Variants in SERPINE3 observed in about 807,000 individuals in gnomAD.
SERPINE3 encodes the protein serpin E3.
A neutral mutation model predicts 41.7 loss-of-function variants in SERPINE3; 43 were observed. The observed-to-expected ratio is 1.03, with a 90% CI of 0.81 to 1.33. The LOEUF (loss-of-function observed/expected upper bound fraction) is 1.33, where lower values mean the gene tolerates loss of function less well. Ranked by LOEUF, SERPINE3 falls within the 40% of genes most tolerant of loss-of-function variation. The pLI is 0.00. For synonymous variants in SERPINE3, 200 were observed against 192.2 expected (o/e 1.04, Z -0.34); for missense variants, 440 against 491.7 (o/e 0.89, Z 0.99).
At chr13:51,346,989 A>T (rs1052436596) in intron 4 of SERPINE3, 36 bp from the exon 5 acceptor site, 5 of 1,500,562 alleles carry the variant, frequency 3.3e-6, no homozygotes, top group Non-Finnish European at 4.5e-6. Context: ...TTCAATGCAC[A>T]TTTAACCCAT....
intron 3 of SERPINE3, among the ~76,000 whole-genome samples, chr13:51,341,914 C>A (rs943579964): frequency 6.6e-6 from 1 of 152,168 alleles, no homozygotes; most frequent in East Asian, 1.9e-4. Flanking sequence ...ATGCTTTTGA[C>A]CAACCTGCTT....
At chr13:51,348,033 A>G (rs1168076012) in intron 5 of SERPINE3, among the ~76,000 whole-genome samples, 180 bp from the exon 6 acceptor site, 1 of 151,880 alleles carries the variant, frequency 6.6e-6, no homozygotes, top group Non-Finnish European at 1.5e-5. Context: ...TAGGTCTAGG[A>G]TTTTTATAAA....
chr13:51,358,033 A>T (rs1370716112), intron 7 of SERPINE3, among the ~76,000 whole-genome samples: 1 of 152,136 alleles, frequency 6.6e-6, no homozygotes, highest in African/African-American at 2.4e-5. Context: ...GAATTGCAAT[A>T]GAAAGAGGTG....
At chr13:51,350,817 A>G (rs1955396270) in intron 6 of SERPINE3, among the ~76,000 whole-genome samples, 1 of 151,936 alleles carries the variant, frequency 6.6e-6, no homozygotes, top group African/African-American at 2.4e-5. Flanking sequence ...CCTCCCAGCA[A>G]CCTCTGATCT....
At chr13:51,362,961 T>C (rs938263795) in intron 9 of SERPINE3, 4 of 152,012 alleles carry the variant, frequency 2.6e-5, no homozygotes, top group Admixed American at 6.6e-5. Context: ...CACATAACGA[T>C]TAGATGAAAA....
intron 6 of SERPINE3, among the ~76,000 whole-genome samples, chr13:51,348,861 A>T (rs1287738734): frequency 2.0e-5 from 1 of 50,792 alleles, no homozygotes; most frequent in Non-Finnish European, 3.3e-5. Flanking sequence ...AGTACAGATA[A>T]AATTCTGATC....
intron 6 of SERPINE3, among the ~76,000 whole-genome samples, chr13:51,352,472 T>G (rs572294524): frequency 6.6e-6 from 1 of 151,316 alleles, no homozygotes; most frequent in African/African-American, 2.4e-5. Flanking sequence ...CTCTGATAGG[T>G]TTTTTTTTGT....
intron 6 of SERPINE3, 126 bp downstream of exon 6, chr13:51,348,537 C>A: frequency 1.4e-6 from 1 of 712,194 alleles, no homozygotes; most frequent in Non-Finnish European, 2.3e-6. Context: ...TAATATGTAT[C>A]CCCAGAAGTT....
intron 5 of SERPINE3, among the ~76,000 whole-genome samples, chr13:51,347,526 C>T (rs1211073266): frequency 6.6e-6 from 1 of 152,162 alleles, no homozygotes; most frequent in South Asian, 2.1e-4. Flanking sequence ...AAACTGCCAC[C>T]CTGGCAGGCA....
intron 7 of SERPINE3, among the ~76,000 whole-genome samples, chr13:51,358,067 T>C (rs1955508283): frequency 6.6e-6 from 1 of 151,940 alleles, no homozygotes; most frequent in Non-Finnish European, 1.5e-5. Flanking sequence ...AGGAGACAAA[T>C]GGAGAAAGCA....
At chr13:51,347,961 C>CT (rs1566192527) in intron 5 of SERPINE3, among the ~76,000 whole-genome samples, 1 of 152,068 alleles carries the variant, frequency 6.6e-6, no homozygotes, top group African/African-American at 2.4e-5. Flanking sequence ...CATCGTCCCC[C>CT]CCCCCATACC....
chr13:51,355,119 A>C lies in SERPINE3; in HGVS notation c.976A>C (p.Lys326Gln). The change falls in exon 7 of 10, where the codon AAA (lysine) becomes CAA (glutamine). Residue 326 changes from lysine (K) to glutamine (Q), a missense_variant. Physicochemically the swap from Lys to Gln is moderately conservative, Grantham distance 53 (BLOSUM62 1). Coordinates refer to ENST00000681248, the MANE Select transcript of SERPINE3 (RefSeq NM_001386375.1). ...WGVTDLFDPL[K>Q]ANLKGISGQD... ...AGTCACCGATCTTTTTGATCCACTC[A>C]AAGCTAACTTGAAAGGAATTTCAGG... 6.5e-7 allele frequency: 1 copy of C among 1,539,904 alleles called. No homozygotes were observed. Among genetic ancestry groups the C allele is most frequent in the South Asian group, 1.2e-5 (1 of 83,810 alleles).
At position 51,362,275 on chromosome 13, in the gene SERPINE3, T is replaced by TAGAGTACACC. The variant is rs1268854980; in HGVS notation, c.1171+389_1171+398dup. 3.2e-5 allele frequency: 11 copies of TAGAGTACACC among 339,538 alleles called. No homozygotes were observed. In the East Asian group the frequency reaches 8.1e-4, roughly 25 times the overall value. The allele number at this position is 339,538 out of a possible 1,614,324, so 21.0% of individuals were successfully genotyped here. A position where few individuals can be genotyped will look rare whatever the true frequency, so the allele number is the denominator to read the frequency against. On this transcript the variant is annotated intron_variant, in intron 9 of 9. Transcript: ENST00000681248. Reference sequence around the variant, plus strand: ...TCATTTTAGAGTTTTTTCAGGTCACTAGAGTACACCAGAGTAGTCCTCTTG... The same window carrying TAGAGTACACC: ...TCATTTTAGAGTTTTTTCAGGTCACTAGAGTACACCAGAGTACACCAGAGTAGTCCTCTTG...
intron 9 of SERPINE3, chr13:51,362,116 G>T: frequency 1.4e-6 from 2 of 1,432,648 alleles, no homozygotes; most frequent in Non-Finnish European, 1.8e-6. Context: ...CATTCTCTCA[G>T]CTCATATATA....
chr13:51,361,956 T>C, intron 9 of SERPINE3, 63 bp downstream of exon 9: 1 of 1,611,726 alleles, frequency 6.2e-7, no homozygotes, highest in Non-Finnish European at 8.5e-7. Flanking sequence ...CAACAAGGGC[T>C]CATTTGTCCA....
At chr13:51,347,525 C>T (rs191981479) in intron 5 of SERPINE3, among the ~76,000 whole-genome samples, 61 of 152,314 alleles carry the variant, frequency 4.0e-4, no homozygotes, top group Admixed American at 2.6e-3. Flanking sequence ...CAAACTGCCA[C>T]CCTGGCAGGC....
chr13:51,341,772 A>G (rs570831227), intron 3 of SERPINE3, among the ~76,000 whole-genome samples: 9 of 152,296 alleles, frequency 5.9e-5, no homozygotes, highest in African/African-American at 2.2e-4. Flanking sequence ...GTTGAGGATG[A>G]TAATTTTATT....
At chr13:51,358,035 A>G (rs1314974773) in intron 7 of SERPINE3, among the ~76,000 whole-genome samples, 2 of 152,124 alleles carry the variant, frequency 1.3e-5, no homozygotes, top group African/African-American at 4.8e-5. Context: ...ATTGCAATAG[A>G]AAGAGGTGCA....
intron 6 of SERPINE3, among the ~76,000 whole-genome samples, chr13:51,353,734 A>G (rs1300830597): frequency 1.3e-5 from 2 of 152,222 alleles, no homozygotes; most frequent in African/African-American, 4.8e-5. Flanking sequence ...AGAAAGTATG[A>G]TACTTTTGTT....
Sources: allele counts gnomAD v4.1 joint callset (sites outside exome capture counted in the v4.1 genomes callset), GRCh38; gene constraint gnomAD v4.1.1; transcripts MANE v1.5; gene names NCBI Gene and HGNC (gene_info 2026-07-23, HGNC 2026-07-21).